Variants in FAM50A observed in about 807,000 individuals in gnomAD.
The protein encoded by FAM50A is protein FAM50A.
FAM50A carries 6 observed loss-of-function variants against 35.5 expected under a neutral mutation model. That is an observed-to-expected ratio of 0.17 (90% CI 0.09 to 0.33). The LOEUF is 0.33. Ranked by LOEUF, FAM50A falls within the 10% of genes least tolerant of loss-of-function variation. FAM50A has a pLI of 1.00. For synonymous variants in FAM50A, 120 were observed against 110.9 expected, an observed-to-expected ratio of 1.08 and a Z score of -0.52; for missense variants, 145 against 295.5, an observed-to-expected ratio of 0.49 and a Z score of 3.73.
rs1557199488 is a variant in FAM50A at position 154,444,206 on chromosome X, G to C, written c.-30G>C. 5 of 392,777 alleles carry C rather than the reference G, an allele frequency of 1.3e-5. No homozygotes were observed. Among genetic ancestry groups the C allele is most frequent in the Non-Finnish European group, 9.8e-6 (3 of 305,760 alleles). 32.4% of individuals were successfully genotyped at this position (392,777 alleles called of 1,213,427 possible). On this transcript the variant is annotated 5_prime_UTR_variant, in exon 1 of 13. Coordinates refer to ENST00000393600, the MANE Select transcript of FAM50A (RefSeq NM_004699.4). Reference sequence around the variant, plus strand: ...GTCGCTGTCGCCGCCGCCGCCGCCCGCCGCCGCCGCCGCCGCCGCCGCCGC... The same window carrying C: ...GTCGCTGTCGCCGCCGCCGCCGCCCCCCGCCGCCGCCGCCGCCGCCGCCGC...
intron 4 of FAM50A, among the ~76,000 whole-genome samples, chrX:154,447,519 T>C (rs1557199944): frequency 1.8e-5 from 2 of 112,382 alleles, no homozygotes; most frequent in African/African-American, 6.5e-5. Flanking sequence ...GATTTTAGTA[T>C]GACATTGTAT....
intron 4 of FAM50A, among the ~76,000 whole-genome samples, chrX:154,447,204 C>T (rs782055795): frequency 9.8e-5 from 11 of 112,218 alleles, no homozygotes; most frequent in Non-Finnish European, 1.5e-4. Context: ...GCAGGAGGGG[C>T]GACGAGAAAG....
chrX:154,448,806 C>T (rs370396003), intron 6 of FAM50A, 50 bp downstream of exon 6: 13 of 1,193,395 alleles, frequency 1.1e-5, no homozygotes, highest in Non-Finnish European at 1.2e-5. Flanking sequence ...AAGCCAGCTT[C>T]CCTGTCCACA....
intron 1 of FAM50A, 145 bp downstream of exon 1, chrX:154,444,491 C>A: frequency 4.0e-6 from 1 of 247,484 alleles, no homozygotes; most frequent in Non-Finnish European, 6.9e-6. Context: ...TGACTTCCAG[C>A]AGGGCACACA....
chrX:154,449,392 C>A, intron 8 of FAM50A, 95 bp downstream of exon 8: 2 of 733,128 alleles, frequency 2.7e-6, no homozygotes, highest in South Asian at 2.2e-5. Flanking sequence ...GCTGTCTGGG[C>A]AAGCAAGCAG....
Position 154,444,174 on chromosome X carries a change from T to C in FAM50A, c.-62T>C, listed in dbSNP as rs1445379589. 15 of 391,455 alleles carry C rather than the reference T, an allele frequency of 3.8e-5. No homozygotes were observed. The South Asian group carries it at 6.3e-4, about 16-fold the overall frequency. 32.3% of individuals were successfully genotyped at this position (391,455 alleles called of 1,213,427 possible). The stretch of plus-strand genomic sequence containing the variant: ...GTTCGGCCGCCACCGCCGCTGCCGC[T>C]GCCGCTGTCGCTGTCGCCGCCGCCG... On this transcript the variant is annotated 5_prime_UTR_variant, in exon 1 of 13. Transcript: ENST00000393600.
intron 1 of FAM50A, chrX:154,445,388 C>G: frequency 2.3e-6 from 1 of 427,936 alleles, no homozygotes; most frequent in Non-Finnish European, 4.1e-6. Context: ...TCAGTAGGGT[C>G]GGTGGCTTCA....
At chrX:154,449,423 C>T in intron 8 of FAM50A, 126 bp downstream of exon 8, 3 of 579,120 alleles carry the variant, frequency 5.2e-6, no homozygotes, top group Non-Finnish European at 8.8e-6. Context: ...ACTCTCCTCC[C>T]AAAAGAGGGG....
At chrX:154,444,383 C>T in intron 1 of FAM50A, 37 bp downstream of exon 1, 3 of 801,722 alleles carry the variant, frequency 3.7e-6, no homozygotes, top group Non-Finnish European at 4.7e-6. Flanking sequence ...GCGCGCTGCC[C>T]AGGTCCCCGG....
In FAM50A at chrX:154,450,538, T is replaced by A. The variant is rs1306109368; in HGVS notation, c.*106T>A. ...TCCCCTGCGACCATGCCAGGCACGCTGGGAGGAGGACGGCAGCTGCTCGTG... is the reference window on the plus strand; with the variant it reads ...TCCCCTGCGACCATGCCAGGCACGCAGGGAGGAGGACGGCAGCTGCTCGTG... On this transcript the variant is annotated 3_prime_UTR_variant, in exon 13 of 13. Transcript: ENST00000393600. The A allele has an allele frequency of 2.7e-5, 23 of 847,095 alleles. No homozygotes were observed. The highest frequency in any genetic ancestry group is 3.6e-5 in the Non-Finnish European group (21 of 588,265). The allele number at this position is 847,095 out of a possible 1,213,427, so 69.8% of individuals were successfully genotyped here. A position where few individuals can be genotyped will look rare whatever the true frequency, so the allele number is the denominator to read the frequency against.
intron 9 of FAM50A, 24 bp from the exon 10 acceptor site, chrX:154,449,859 C>T (rs201261748): frequency 1.1e-5 from 13 of 1,208,200 alleles, no homozygotes; most frequent in Middle Eastern, 2.3e-4. Context: ...ATCAAGACGC[C>T]GCTTTCCTGC....
At chrX:154,448,616 T>C (rs1264838702) in intron 5 of FAM50A, 56 bp downstream of exon 5, 2 of 1,182,032 alleles carry the variant, frequency 1.7e-6, no homozygotes, top group Admixed American at 2.2e-5. Flanking sequence ...TGGAGACCCT[T>C]GCTTAGGGAG....
chrX:154,445,252 A>T (rs1557199660), intron 1 of FAM50A, among the ~76,000 whole-genome samples: 1 of 111,629 alleles, frequency 9.0e-6, no homozygotes, highest in Non-Finnish European at 1.9e-5. Flanking sequence ...GCCTGGAGGG[A>T]GGAAAATCAC....
chrX:154,448,432 T>G (rs1263161444), intron 4 of FAM50A, 52 bp from the exon 5 acceptor site: 2 of 1,095,151 alleles, frequency 1.8e-6, no homozygotes, highest in African/African-American at 3.7e-5. Context: ...GTCGGCCATA[T>G]CAAAATCATT....
At chrX:154,447,720 C>T (rs781981807) in intron 4 of FAM50A, among the ~76,000 whole-genome samples, 1 of 111,420 alleles carries the variant, frequency 9.0e-6, no homozygotes, top group Non-Finnish European at 1.9e-5. Context: ...TCAGCCTTGA[C>T]CTCCTGGACT....
chrX:154,450,452 G>T lies in FAM50A; in HGVS notation c.*20G>T, dbSNP rs1557200451. The T allele has an allele frequency of 8.3e-7, 1 of 1,208,122 alleles. No homozygotes were observed. Among genetic ancestry groups the T allele is most frequent in the African/African-American group, 1.7e-5 (1 of 57,423 alleles). On this transcript the variant is annotated 3_prime_UTR_variant, in exon 13 of 13. Coordinates refer to ENST00000393600, the MANE Select transcript of FAM50A (RefSeq NM_004699.4). Reference sequence around the variant, plus strand: ...CGCTGAGCATCCAGGAGGCTGCGCGGCCCCGGCTCCTCAGCTCCCTCAGTG... The same window carrying T: ...CGCTGAGCATCCAGGAGGCTGCGCGTCCCCGGCTCCTCAGCTCCCTCAGTG...
At chrX:154,449,113 G>A in intron 7 of FAM50A, 108 bp from the exon 8 acceptor site, 1 of 893,067 alleles carries the variant, frequency 1.1e-6, no homozygotes, top group Admixed American at 2.6e-5. Context: ...GCCCAGGCCT[G>A]GCTGAGGCTC....
intron 4 of FAM50A, 34 bp from the exon 5 acceptor site, chrX:154,448,450 T>C (rs781796514): frequency 8.7e-7 from 1 of 1,149,178 alleles, no homozygotes. Context: ...ATTTTTATAA[T>C]AATGCTATGA....
intron 1 of FAM50A, 85 bp downstream of exon 1, chrX:154,444,431 G>T: frequency 1.8e-6 from 1 of 556,766 alleles, no homozygotes; most frequent in South Asian, 5.6e-5. Flanking sequence ...AAGCCCTGGG[G>T]CGGTGGCCAC....
Sources: allele counts gnomAD v4.1 joint callset (sites outside exome capture counted in the v4.1 genomes callset), GRCh38; gene constraint gnomAD v4.1.1; transcripts MANE v1.5; gene names NCBI Gene and HGNC (gene_info 2026-07-23, HGNC 2026-07-21).